Variants in EGFR observed in about 807,000 individuals in gnomAD.
The protein encoded by EGFR is avian erythroblastic leukemia viral (v-erb-b) oncogene homolog.
In EGFR, 58 loss-of-function variants were observed where a neutral mutation model predicts 143.0. The ratio of observed to expected loss-of-function variants is 0.41; its 90% CI spans 0.33 to 0.50. The LOEUF is 0.50. Among genes scored for constraint, EGFR ranks in the 20% least tolerant of loss-of-function variants. The pLI is 0.39. For missense variants in EGFR, 1,307 were observed against 1,579.0 expected (o/e 0.83, Z 2.92); for synonymous variants, 613 against 594.4 (o/e 1.03, Z -0.45).
intron 1 of EGFR, among the ~76,000 whole-genome samples, chr7:55,030,535 T>G (rs958890101): frequency 2.6e-5 from 4 of 152,204 alleles, no homozygotes; most frequent in Non-Finnish European, 5.9e-5. Flanking sequence ...CATCAACTTC[T>G]GTAAATTTTC....
intron 1 of EGFR, among the ~76,000 whole-genome samples, chr7:55,140,616 T>G (rs1794406438): frequency 6.6e-6 from 1 of 152,220 alleles, no homozygotes; most frequent in Admixed American, 6.5e-5. Context: ...TGTTCCAACT[T>G]GAGGTTGCAT....
chr7:55,103,820 GT>G (rs1791964496), intron 1 of EGFR, among the ~76,000 whole-genome samples: 1 of 152,220 alleles, frequency 6.6e-6, no homozygotes, highest in Non-Finnish European at 1.5e-5. Context: ...GACATGACAT[GT>G]GACTATTCAT....
intron 1 of EGFR, among the ~76,000 whole-genome samples, chr7:55,095,813 CAGAG>C (rs1010676069): frequency 1.3e-5 from 2 of 150,282 alleles, no homozygotes; most frequent in African/African-American, 4.9e-5. Context: ...GGCACACACA[CAGAG>C]AGACATACAC....
At chr7:55,068,980 A>G (rs1789673765) in intron 1 of EGFR, among the ~76,000 whole-genome samples, 1 of 152,200 alleles carries the variant, frequency 6.6e-6, no homozygotes, top group South Asian at 2.1e-4. Context: ...ATTGAATTGC[A>G]GGGACACTTT....
intron 1 of EGFR, among the ~76,000 whole-genome samples, chr7:55,083,592 G>A (rs947387973): frequency 6.6e-5 from 10 of 152,188 alleles, no homozygotes; most frequent in Admixed American, 3.9e-4. Flanking sequence ...CACACTGTGC[G>A]CATGTGTGTA....
At chr7:55,152,440 G>C (rs1785203311) in intron 5 of EGFR, 106 bp from the exon 6 acceptor site, 2 of 1,026,982 alleles carry the variant, frequency 1.9e-6, no homozygotes, top group East Asian at 4.7e-5. Context: ...GGAAGCAAAT[G>C]TGTCTTCACT....
At chr7:55,070,532 C>T (rs1789757751) in intron 1 of EGFR, among the ~76,000 whole-genome samples, 1 of 152,204 alleles carries the variant, frequency 6.6e-6, no homozygotes, top group Non-Finnish European at 1.5e-5. Flanking sequence ...AACATGCGTA[C>T]ATAATAGCAG....
At position 55,208,969 on chromosome 7, in the gene EGFR, G is replaced by T. The variant is rs1788175353; in HGVS notation, c.*3352G>T. On this transcript the variant is annotated 3_prime_UTR_variant, in exon 28 of 28. Coordinates refer to ENST00000275493, the MANE Select transcript of EGFR (RefSeq NM_005228.5). ...CTAGAACCTCTGGCCTAAAGGAAGG[G>T]CCTGGTGGGATCTACTTGGCACTCG... 1 of 152,180 alleles carries T rather than the reference G, an allele frequency of 6.6e-6. No individual in the cohort carries two copies. Among genetic ancestry groups the T allele is most frequent in the Non-Finnish European group, 1.5e-5 (1 of 68,066 alleles). 9.4% of individuals were successfully genotyped at this position (152,180 alleles called of 1,614,324 possible). A position where few individuals can be genotyped will look rare whatever the true frequency, so the allele number is the denominator to read the frequency against.
chr7:55,109,811 C>T, intron 1 of EGFR: 1 of 985,390 alleles, frequency 1.0e-6, no homozygotes. Flanking sequence ...AATATAAAGC[C>T]CATCTCCTTT....
intron 20 of EGFR, among the ~76,000 whole-genome samples, chr7:55,190,889 T>C (rs905027639): frequency 5.3e-5 from 8 of 152,056 alleles, no homozygotes; most frequent in East Asian, 1.9e-4. Context: ...CCTGGGACAG[T>C]TGGGCTCAGC....
At chr7:55,204,899 C>A (rs1464794194) in intron 27 of EGFR, among the ~76,000 whole-genome samples, 1 of 150,044 alleles carries the variant, frequency 6.7e-6, no homozygotes, top group African/African-American at 2.5e-5. Flanking sequence ...CACACATACA[C>A]CACACACACG....
At chr7:55,109,138 T>G in intron 1 of EGFR, among the ~76,000 whole-genome samples, 1 of 152,160 alleles carries the variant, frequency 6.6e-6, no homozygotes, top group East Asian at 1.9e-4. Context: ...CTTAGGCAAA[T>G]AAATTCCCAA....
In EGFR at chr7:55,143,495, G is replaced by A. The variant is rs1181341045; in HGVS notation, c.424+7G>A. The stretch of plus-strand genomic sequence containing the variant: ...CCCATGAGAAATTTACAGGGTGAGA[G>A]GCTGGGATGCCAAGGCTGGGGGTTC... On this transcript the variant is annotated splice_region_variant and intron_variant, in intron 3 of 27. Transcript: ENST00000275493. The A allele has an allele frequency of 1.2e-6, 2 of 1,614,084 alleles. No individual in the cohort carries two copies. Among genetic ancestry groups the A allele is most frequent in the Non-Finnish European group, 1.7e-6 (2 of 1,180,044 alleles).
intron 1 of EGFR, among the ~76,000 whole-genome samples, chr7:55,050,904 T>C (rs1378492621): frequency 6.6e-6 from 1 of 152,200 alleles, no homozygotes; most frequent in Non-Finnish European, 1.5e-5. Context: ...CCTTCCTCCA[T>C]AAGCAGAATC....
intron 27 of EGFR, 140 bp from the exon 28 acceptor site, chr7:55,205,116 A>G: frequency 7.7e-7 from 1 of 1,298,824 alleles, no homozygotes; most frequent in East Asian, 2.5e-5. Context: ...TTGCAGCAAC[A>G]GCAAGAGGGC....
chr7:55,062,564 T>C (rs1057397985), intron 1 of EGFR, among the ~76,000 whole-genome samples: 3 of 152,140 alleles, frequency 2.0e-5, no homozygotes, highest in Admixed American at 6.6e-5. Context: ...TGTGCATGGG[T>C]TTCTGAATAT....
intron 1 of EGFR, among the ~76,000 whole-genome samples, chr7:55,056,454 A>G (rs1216559365): frequency 6.6e-6 from 1 of 152,266 alleles, no homozygotes; most frequent in Non-Finnish European, 1.5e-5. Context: ...AAATATGATT[A>G]GAACATGATA....
intron 1 of EGFR, among the ~76,000 whole-genome samples, chr7:55,091,836 G>A (rs1392018692): frequency 8.0e-6 from 1 of 125,714 alleles, no homozygotes; most frequent in Non-Finnish European, 1.6e-5. Context: ...TCCAAACCCT[G>A]ACCCACTGTA....
intron 15 of EGFR, among the ~76,000 whole-genome samples, chr7:55,169,106 T>TA (rs1264647586): frequency 6.6e-6 from 1 of 151,720 alleles, no homozygotes; most frequent in Non-Finnish European, 1.5e-5. Flanking sequence ...GCTATTTCTT[T>TA]TTTTTTTTTG....
Sources: allele counts gnomAD v4.1 joint callset (sites outside exome capture counted in the v4.1 genomes callset), GRCh38; gene constraint gnomAD v4.1.1; transcripts MANE v1.5; gene names NCBI Gene and HGNC (gene_info 2026-07-23, HGNC 2026-07-21).